Variants in CACNA1E observed in about 807,000 individuals in gnomAD.
The protein encoded by CACNA1E is calcium voltage-gated channel subunit alpha1 E.
CACNA1E carries 40 observed loss-of-function variants against 259.2 expected under a neutral mutation model. The observed-to-expected ratio is 0.15, with a 90% CI of 0.12 to 0.20. The LOEUF is 0.20. Ranked by LOEUF, CACNA1E falls within the 10% of genes least tolerant of loss-of-function variation. The pLI is 1.00. For missense variants in CACNA1E, 1,874 were observed against 3,040.1 expected (o/e 0.62, Z 9.02); for synonymous variants, 1,104 against 1,138.5 (o/e 0.97, Z 0.61).
chr1:181,461,682 C>T (rs921771435), intron 2 of CACNA1E, among the ~76,000 whole-genome samples: 1 of 152,038 alleles, frequency 6.6e-6, no homozygotes, highest in Non-Finnish European at 1.5e-5. Context: ...ACTTGCTCAA[C>T]CAAAAATACC....
chr1:181,683,489 G>C (rs1407418648), intron 7 of CACNA1E, among the ~76,000 whole-genome samples: 1 of 152,084 alleles, frequency 6.6e-6, no homozygotes, highest in African/African-American at 2.4e-5. Context: ...TTGTTACATA[G>C]GTAAATTGCA....
chr1:181,434,996 G>T (rs1174223919), intron 2 of CACNA1E, among the ~76,000 whole-genome samples: 1 of 152,136 alleles, frequency 6.6e-6, no homozygotes, highest in African/African-American at 2.4e-5. Context: ...GATTCTCCTC[G>T]ATTTATCAGG....
At chr1:181,443,035 GA>G (rs746291966) in intron 2 of CACNA1E, among the ~76,000 whole-genome samples, 12 of 152,226 alleles carry the variant, frequency 7.9e-5, no homozygotes, top group Non-Finnish European at 1.5e-4. Context: ...GCCCAGTGCA[GA>G]GGGGCAGCAT....
Position 181,785,438 on chromosome 1 carries a change from T to G in CACNA1E, c.5679+20T>G. 1.3e-6 allele frequency: 2 copies of G among 1,525,670 alleles called. No individual in the cohort carries two copies. The highest frequency in any genetic ancestry group is 1.8e-6 in the Non-Finnish European group (2 of 1,102,548). The allele number at this position is 1,525,670 out of a possible 1,614,324, so 94.5% of individuals were successfully genotyped here. A position where few individuals can be genotyped will look rare whatever the true frequency, so the allele number is the denominator to read the frequency against. On this transcript the variant is annotated intron_variant, in intron 42 of 47. Transcript: ENST00000367573. Reference sequence around the variant, plus strand: ...GAACAGGTGAAAGTCAATGCCAGCATGCTAAGTGGGTGGGCCATGAGGAGT... The same window carrying G: ...GAACAGGTGAAAGTCAATGCCAGCAGGCTAAGTGGGTGGGCCATGAGGAGT...
intron 1 of CACNA1E, among the ~76,000 whole-genome samples, chr1:181,355,630 A>ACAAAACAAAC (rs1434866247): frequency 1.1e-4 from 14 of 128,400 alleles, no homozygotes; most frequent in African/African-American, 2.8e-4. Flanking sequence ...ACAAAACAAA[A>ACAAAACAAAC]CAAACCAGAC....
At chr1:181,624,197 A>G (rs1423893651) in intron 6 of CACNA1E, among the ~76,000 whole-genome samples, 1 of 152,126 alleles carries the variant, frequency 6.6e-6, no homozygotes, top group Admixed American at 6.5e-5. Flanking sequence ...GCATCAAGCT[A>G]TTCATGGGAG....
intron 34 of CACNA1E, among the ~76,000 whole-genome samples, chr1:181,765,519 T>C (rs976521304): frequency 4.6e-5 from 7 of 152,184 alleles, no homozygotes; most frequent in African/African-American, 1.7e-4. Flanking sequence ...CCACTTTCAG[T>C]TGCATTTTAA....
chr1:181,686,277 T>A (rs1445378838), intron 7 of CACNA1E, among the ~76,000 whole-genome samples: 1 of 17,180 alleles, frequency 5.8e-5, no homozygotes, highest in African/African-American at 1.5e-4. Context: ...AGAACCAAGT[T>A]TTTTTTTTTT....
chr1:181,528,167 T>A (rs1667506689), intron 3 of CACNA1E, among the ~76,000 whole-genome samples: 1 of 150,930 alleles, frequency 6.6e-6, no homozygotes, highest in African/African-American at 2.4e-5. Context: ...AGTAATTGAA[T>A]CATGGGGGCT....
chr1:181,504,445 G>C (rs747348298), intron 1 of CACNA1E, among the ~76,000 whole-genome samples: 3 of 152,222 alleles, frequency 2.0e-5, no homozygotes, highest in Non-Finnish European at 4.4e-5. Flanking sequence ...GGAGGAGACA[G>C]CTAAGTACAG....
intron 6 of CACNA1E, among the ~76,000 whole-genome samples, chr1:181,641,696 A>ATTTTTTTTTTT (rs1369217611): frequency 8.6e-5 from 9 of 104,082 alleles, no homozygotes; most frequent in African/African-American, 3.2e-4. Flanking sequence ...GGCAACACTA[A>ATTTTTTTTTTT]TTTTTTGTTT....
At chr1:181,632,144 C>T (rs1158148858) in intron 6 of CACNA1E, among the ~76,000 whole-genome samples, 1 of 152,086 alleles carries the variant, frequency 6.6e-6, no homozygotes, top group Non-Finnish European at 1.5e-5. Flanking sequence ...CATATGACAC[C>T]TCTTTTCTCA....
intron 3 of CACNA1E, among the ~76,000 whole-genome samples, chr1:181,576,100 C>T (rs1272217266): frequency 6.6e-6 from 1 of 152,186 alleles, no homozygotes; most frequent in African/African-American, 2.4e-5. Flanking sequence ...TTTCTGACGA[C>T]GGCATGGAAG....
intron 1 of CACNA1E, among the ~76,000 whole-genome samples, chr1:181,397,731 C>G (rs910590917): frequency 1.3e-5 from 2 of 152,228 alleles, no homozygotes; most frequent in African/African-American, 4.8e-5. Flanking sequence ...GTCCCTCCCC[C>G]TCATCCCGTC....
intron 2 of CACNA1E, among the ~76,000 whole-genome samples, chr1:181,439,270 G>C (rs1026459643): frequency 2.0e-5 from 3 of 152,044 alleles, no homozygotes; most frequent in African/African-American, 7.2e-5. Context: ...ATTAAAGACA[G>C]AGATTTCAAA....
chr1:181,615,136 T>C (rs1655092124), intron 6 of CACNA1E, among the ~76,000 whole-genome samples: 1 of 152,234 alleles, frequency 6.6e-6, no homozygotes, highest in Non-Finnish European at 1.5e-5. Context: ...ATTCATTATA[T>C]ACTTTTTCTC....
rs139431760 is a variant in CACNA1E, at chr1:181,746,338, C to T, written c.3720-4138C>T. 9.3e-3 allele frequency among the ~76,000 whole-genome samples: 1,420 copies of T among 152,236 alleles called. 12 individuals are homozygous for T. The highest frequency in any genetic ancestry group is 0.013 in the South Asian group (61 of 4,816). ...TCACACTCTTTATTTTATTTATCACCGAACAGTCCTGTTTTACAGTTGAGA... is the reference window on the plus strand; with the variant it reads ...TCACACTCTTTATTTTATTTATCACTGAACAGTCCTGTTTTACAGTTGAGA... On this transcript the variant is annotated intron_variant, in intron 25 of 47. Coordinates refer to ENST00000367573, the MANE Select transcript of CACNA1E (RefSeq NM_001205293.3).
intron 1 of CACNA1E, among the ~76,000 whole-genome samples, chr1:181,323,527 T>C (rs1308746092): frequency 6.6e-6 from 1 of 152,184 alleles, no homozygotes; most frequent in Non-Finnish European, 1.5e-5. Flanking sequence ...CTCCCTTCCC[T>C]TCTCTCTCTT....
chr1:181,789,611 CT>C (rs1305893765), intron 43 of CACNA1E, among the ~76,000 whole-genome samples: 4 of 152,178 alleles, frequency 2.6e-5, no homozygotes, highest in African/African-American at 9.6e-5. Flanking sequence ...TATTACCATA[CT>C]GGTGGCAGTC....
Sources: gnomAD v4.1 joint callset for allele counts (sites outside exome capture counted in the v4.1 genomes callset) on GRCh38, gnomAD v4.1.1 for gene constraint, MANE v1.5 for transcripts, NCBI Gene and HGNC (gene_info 2026-07-23, HGNC 2026-07-21) for gene names.